Variants in NFAT5 observed in about 807,000 individuals in gnomAD.
The protein encoded by NFAT5 is nuclear factor of activated T cells 5, also known as nuclear factor of activated T-cells 5.
NFAT5 carries 31 observed loss-of-function variants against 166.5 expected under a neutral mutation model. That is an observed-to-expected ratio of 0.19 (90% CI 0.14 to 0.25). The LOEUF is 0.25. Among genes scored for constraint, NFAT5 ranks in the 10% least tolerant of loss-of-function variants. The pLI, the probability that NFAT5 is intolerant of heterozygous loss-of-function variation, is 1.00. For synonymous variants in NFAT5, 612 were observed against 639.7 expected (o/e 0.96, Z 0.65); for missense variants, 1,449 against 1,821.8 (o/e 0.80, Z 3.72).
At chr16:69,592,086 T>C (rs1005931515) in intron 2 of NFAT5, among the ~76,000 whole-genome samples, 95 of 149,044 alleles carry the variant, frequency 6.4e-4, no homozygotes, top group African/African-American at 2.1e-3. Flanking sequence ...TTTTCTTTTT[T>C]TTTTTTTTTT....
Position 69,591,132 on chromosome 16 carries a change from A to G in NFAT5, c.127+22584A>G, listed in dbSNP as rs150549951. Among the ~76,000 whole-genome samples, 224 of 152,206 alleles carry G rather than the reference A, an allele frequency of 1.5e-3. 1 individual carries two copies. The highest frequency in any genetic ancestry group is 5.2e-3 in the African/African-American group (216 of 41,528). ...TTTTTAGTAGAGATGGGGTTTTGCC[A>G]TGTTGACCAGGCTGGTCTCAAACGC... On this transcript the variant is annotated intron_variant, in intron 2 of 14. Transcript: ENST00000349945.
intron 2 of NFAT5, among the ~76,000 whole-genome samples, chr16:69,619,943 T>C (rs1031785191): frequency 2.0e-5 from 3 of 152,216 alleles, no homozygotes; most frequent in Admixed American, 6.5e-5. Flanking sequence ...TGTAGTGAAA[T>C]TCTTCCACCC....
intron 3 of NFAT5, among the ~76,000 whole-genome samples, chr16:69,644,571 C>T (rs1048466937): frequency 6.6e-6 from 1 of 152,136 alleles, no homozygotes; most frequent in African/African-American, 2.4e-5. Flanking sequence ...TATGATATCA[C>T]AGTTTGGCAT....
At chr16:69,589,783 T>TTA (rs1444120859) in intron 2 of NFAT5, among the ~76,000 whole-genome samples, 1 of 152,208 alleles carries the variant, frequency 6.6e-6, no homozygotes, top group Non-Finnish European at 1.5e-5. Context: ...TATAAGTTAT[T>TTA]TATAATTTTG....
chr16:69,593,316 A>G (rs1479515136), intron 2 of NFAT5, among the ~76,000 whole-genome samples: 1 of 152,126 alleles, frequency 6.6e-6, no homozygotes, highest in East Asian at 1.9e-4. Flanking sequence ...GTGGTATTGC[A>G]GCACAGTTAC....
At chr16:69,578,693 A>G (rs1473853343) in intron 2 of NFAT5, among the ~76,000 whole-genome samples, 2 of 152,182 alleles carry the variant, frequency 1.3e-5, no homozygotes, top group African/African-American at 2.4e-5. Context: ...GTTTATAAGT[A>G]GCAACTTGTT....
At chr16:69,637,063 C>T (rs1361011132) in intron 3 of NFAT5, among the ~76,000 whole-genome samples, 1 of 152,138 alleles carries the variant, frequency 6.6e-6, no homozygotes, top group Non-Finnish European at 1.5e-5. Context: ...TTAGAAATAT[C>T]TTCCACTAGA....
In NFAT5 at chr16:69,699,569, T is replaced by A. The variant is rs558436280; in HGVS notation, c.*3218T>A. The A allele has an allele frequency of 3.3e-5, 5 of 152,772 alleles. No homozygotes were observed. The highest frequency in any genetic ancestry group is 2.1e-4 in the South Asian group (1 of 4,822). The allele number at this position is 152,772 out of a possible 1,614,324, so 9.5% of individuals were successfully genotyped here. A position where few individuals can be genotyped will look rare whatever the true frequency, so the allele number is the denominator to read the frequency against. On this transcript the variant is annotated 3_prime_UTR_variant, in exon 15 of 15. Transcript: ENST00000349945. The stretch of plus-strand genomic sequence containing the variant: ...ACAATTTGGCTACGAAGAGTATTCA[T>A]CTTCTTTGAAGCTCAGTGGTTGATA...
chr16:69,566,236 G>A lies in NFAT5; in HGVS notation c.-66G>A. On this transcript the variant is annotated 5_prime_UTR_variant, in exon 1 of 15. Transcript: ENST00000349945. This position sits in a 1 kb window ranked among gnomAD's most constrained non-coding sequence, Gnocchi z 5.7. The stretch of plus-strand genomic sequence containing the variant: ...GTTCGGTGCCCGCGGTCCCGGAGAG[G>A]AGGTGCCGCCGCCACCGCCGCTCCC... The A allele has an allele frequency of 6.8e-7, 1 of 1,469,054 alleles. No individual in the cohort carries two copies. Among genetic ancestry groups the A allele is most frequent in the East Asian group, 2.4e-5 (1 of 41,226 alleles). The allele number at this position is 1,469,054 out of a possible 1,614,324, so 91.0% of individuals were successfully genotyped here.
intron 3 of NFAT5, among the ~76,000 whole-genome samples, chr16:69,629,430 T>C (rs1052078169): frequency 2.0e-5 from 3 of 152,160 alleles, no homozygotes; most frequent in Non-Finnish European, 4.4e-5. Flanking sequence ...AGAGCGTCTA[T>C]CAAGCCTTTA....
intron 2 of NFAT5, among the ~76,000 whole-genome samples, chr16:69,604,777 A>G (rs997323701): frequency 1.1e-4 from 16 of 152,018 alleles, no homozygotes; most frequent in Non-Finnish European, 1.6e-4. Flanking sequence ...TCTGTGTTCT[A>G]TTGCTATGGA....
chr16:69,587,354 G>T (rs543770852), intron 2 of NFAT5, among the ~76,000 whole-genome samples: 1 of 134,500 alleles, frequency 7.4e-6, no homozygotes, highest in Admixed American at 7.9e-5. Context: ...AGGATTACAG[G>T]TGTGAGCCAC....
intron 2 of NFAT5, among the ~76,000 whole-genome samples, chr16:69,616,059 C>A (rs1267563916): frequency 6.6e-6 from 1 of 152,100 alleles, no homozygotes; most frequent in Non-Finnish European, 1.5e-5. Context: ...GCTCCCTCAA[C>A]CCCGATAGAT....
chr16:69,701,911 T>C lies in NFAT5; in HGVS notation c.*5560T>C, dbSNP rs1011972273. 2 of 152,260 alleles carry C rather than the reference T, an allele frequency of 1.3e-5. No individual in the cohort carries two copies. The highest frequency in any genetic ancestry group is 4.8e-5 in the African/African-American group (2 of 41,452). 9.4% of individuals were successfully genotyped at this position (152,260 alleles called of 1,614,324 possible). On this transcript the variant is annotated 3_prime_UTR_variant, in exon 15 of 15. Coordinates refer to ENST00000349945, the MANE Select transcript of NFAT5 (RefSeq NM_138713.4). Reference sequence around the variant, plus strand: ...AAATGAGAAAAAGGTTATATCTGACTCCCTCCAGACCTAAGATAATTCCTT... The same window carrying C: ...AAATGAGAAAAAGGTTATATCTGACCCCCTCCAGACCTAAGATAATTCCTT...
chr16:69,671,470 A>G (rs917943020), intron 9 of NFAT5, among the ~76,000 whole-genome samples: 27 of 152,218 alleles, frequency 1.8e-4, no homozygotes, highest in African/African-American at 6.0e-4. Context: ...TCCCTGGTTC[A>G]AGCAATTCTC....
chr16:69,608,547 G>A (rs929794987), intron 2 of NFAT5, among the ~76,000 whole-genome samples: 1 of 151,884 alleles, frequency 6.6e-6, no homozygotes, highest in Non-Finnish European at 1.5e-5. Flanking sequence ...ACGAGGTCAG[G>A]AGATCGAGTC....
Position 69,684,963 on chromosome 16 carries a change from C to T in NFAT5, c.1767C>T (p.Ala589=). The T allele has an allele frequency of 6.2e-7, 1 of 1,607,734 alleles. No homozygotes were observed. The highest frequency in any genetic ancestry group is 8.5e-7 in the Non-Finnish European group (1 of 1,176,662). Reference sequence around the variant, plus strand: ...CAAGACCTTGCTCTTTTGAAGAGGCCATGAAAGGTACCAAGTAAATTCTTC... The same window carrying T: ...CAAGACCTTGCTCTTTTGAAGAGGCTATGAAAGGTACCAAGTAAATTCTTC... ...SPARPCSFEE[A]MKAMKTTGCN... The change falls in exon 11 of 15, where the codon GCC becomes GCT. Residue 589 remains alanine, a synonymous_variant. Transcript: ENST00000349945.
chr16:69,577,859 A>C (rs549986945), intron 2 of NFAT5, among the ~76,000 whole-genome samples: 10 of 152,246 alleles, frequency 6.6e-5, no homozygotes, highest in Non-Finnish European at 1.3e-4. Context: ...AATGTAAGCT[A>C]TATGAATAGT....
rs2016068876 is a variant in NFAT5, at chr16:69,566,719, GC to G, written c.73+349del. 6.6e-6 allele frequency among the ~76,000 whole-genome samples: 1 copy of G among 152,096 alleles called. No individual in the cohort carries two copies. Among genetic ancestry groups the G allele is most frequent in the South Asian group, 2.1e-4 (1 of 4,836 alleles). ...CCCCGGCCTCCCGGGCTCGGGGATG[GC>G]CCCAGACTGGGCCCCGCGCTGGGGC... On this transcript the variant is annotated intron_variant, in intron 1 of 14. Transcript: ENST00000349945. This position sits in a 1 kb window ranked among gnomAD's most constrained non-coding sequence, Gnocchi z 5.7.
Sources: allele counts gnomAD v4.1 joint callset (sites outside exome capture counted in the v4.1 genomes callset), GRCh38; gene constraint gnomAD v4.1.1; non-coding constraint Gnocchi (gnomAD v3.1); transcripts MANE v1.5; gene names NCBI Gene and HGNC (gene_info 2026-07-23, HGNC 2026-07-21).